Variants in RNF141 observed in about 807,000 individuals in gnomAD.
The protein encoded by RNF141 is C3HC4-like zinc finger protein.
In RNF141, 18 loss-of-function variants were observed where a neutral mutation model predicts 27.4. The ratio of observed to expected loss-of-function variants is 0.66; its 90% CI spans 0.45 to 0.97. The LOEUF (loss-of-function observed/expected upper bound fraction) is 0.97. RNF141 is among the 50% of genes least tolerant of loss of function. RNF141 has a pLI of 0.00. For synonymous variants in RNF141, 97 were observed against 96.6 expected (o/e 1.00, Z -0.02); for missense variants, 230 against 279.4 (o/e 0.82, Z 1.26).
chr11:10,536,072 T>C (rs1327352301), intron 1 of RNF141, among the ~76,000 whole-genome samples: 1 of 152,080 alleles, frequency 6.6e-6, no homozygotes, highest in Non-Finnish European at 1.5e-5. Context: ...CACAAATAAA[T>C]GTATAATTAC....
At chr11:10,533,541 G>GTATA (rs72252394) in intron 2 of RNF141, among the ~76,000 whole-genome samples, 2,177 of 150,776 alleles carry the variant, frequency 0.014, 43 homozygotes, top group African/African-American at 0.045. Flanking sequence ...GTAAAAAAAA[G>GTATA]TATATATATA....
intron 1 of RNF141, among the ~76,000 whole-genome samples, chr11:10,535,711 C>T (rs1308688677): frequency 6.6e-6 from 1 of 152,044 alleles, no homozygotes; most frequent in African/African-American, 2.4e-5. Context: ...CAAAACTTAA[C>T]AAAAATCTCA....
chr11:10,528,351 T>C (rs58312518), intron 3 of RNF141, among the ~76,000 whole-genome samples: 2 of 152,314 alleles, frequency 1.3e-5, no homozygotes, highest in African/African-American at 2.4e-5. Context: ...AAAATTTCTT[T>C]AGAGTAGCTC....
intron 4 of RNF141, among the ~76,000 whole-genome samples, chr11:10,520,575 T>A (rs1849880415): frequency 6.6e-6 from 1 of 152,202 alleles, no homozygotes; most frequent in South Asian, 2.1e-4. Context: ...TACAGCTAAC[T>A]TTTTTTAATA....
chr11:10,515,932 G>C (rs572087784), intron 5 of RNF141: 1 of 152,218 alleles, frequency 6.6e-6, no homozygotes, highest in East Asian at 1.9e-4. Context: ...TTTTCGAAAA[G>C]GATTTTTTTC....
At chr11:10,536,223 A>T (rs954886519) in intron 1 of RNF141, among the ~76,000 whole-genome samples, 3 of 151,254 alleles carry the variant, frequency 2.0e-5, no homozygotes, top group African/African-American at 7.3e-5. Context: ...GTTAGGGATT[A>T]AAAAAAAAGT....
intron 1 of RNF141, among the ~76,000 whole-genome samples, chr11:10,538,068 T>C (rs1289338572): frequency 6.6e-6 from 1 of 152,252 alleles, no homozygotes; most frequent in East Asian, 1.9e-4. Context: ...AAAGAAGAGT[T>C]AGTTGCTTAT....
At chr11:10,532,518 CA>C (rs1207745356) in intron 2 of RNF141, among the ~76,000 whole-genome samples, 10 of 146,002 alleles carry the variant, frequency 6.8e-5, no homozygotes, top group African/African-American at 1.7e-4. Context: ...CACACACACA[CA>C]CACACACACA....
intron 1 of RNF141, among the ~76,000 whole-genome samples, chr11:10,539,831 A>G (rs1413597620): frequency 2.0e-5 from 3 of 151,198 alleles, no homozygotes; most frequent in African/African-American, 7.3e-5. Flanking sequence ...TAGACTTGTA[A>G]GAATTCTCTC....
At chr11:10,539,593 T>C (rs1267422456) in intron 1 of RNF141, among the ~76,000 whole-genome samples, 2 of 141,020 alleles carry the variant, frequency 1.4e-5, no homozygotes, top group African/African-American at 5.2e-5. Context: ...TCAAGACAAG[T>C]TAATATAGAT....
At chr11:10,530,595 C>A (rs1849977052) in intron 3 of RNF141, 48 bp downstream of exon 3, 2 of 1,031,170 alleles carry the variant, frequency 1.9e-6, no homozygotes, top group African/African-American at 3.3e-5. Flanking sequence ...ATAGTTCTAG[C>A]CACCAAAATA....
chr11:10,526,225 T>C (rs976721960), intron 3 of RNF141, among the ~76,000 whole-genome samples: 4 of 152,040 alleles, frequency 2.6e-5, no homozygotes, highest in East Asian at 1.9e-4. Flanking sequence ...ATTAAGTGCA[T>C]ATCAGAGTAA....
chr11:10,518,890 A>G, intron 5 of RNF141, 144 bp downstream of exon 5: 1 of 557,468 alleles, frequency 1.8e-6, no homozygotes, highest in Non-Finnish European at 3.1e-6. Flanking sequence ...TTTAACCAGT[A>G]GAAGGCATGC....
At chr11:10,538,078 T>C (rs921929525) in intron 1 of RNF141, among the ~76,000 whole-genome samples, 5 of 152,248 alleles carry the variant, frequency 3.3e-5, no homozygotes, top group African/African-American at 9.6e-5. Flanking sequence ...TAGTTGCTTA[T>C]TTATTGAGTT....
chr11:10,531,312 T>C (rs1482428298), intron 2 of RNF141, among the ~76,000 whole-genome samples: 2 of 150,528 alleles, frequency 1.3e-5, no homozygotes, highest in East Asian at 2.0e-4. Flanking sequence ...GAGGTGAAGG[T>C]TGTAGTGAGC....
intron 5 of RNF141, chr11:10,517,731 C>T (rs1050925318): frequency 6.6e-6 from 1 of 151,976 alleles, no homozygotes; most frequent in East Asian, 1.9e-4. Context: ...AGAAAAAATA[C>T]TCTCAAGTCT....
At chr11:10,523,793 A>G (rs1160773032) in intron 4 of RNF141, among the ~76,000 whole-genome samples, 1 of 152,236 alleles carries the variant, frequency 6.6e-6, no homozygotes, top group Non-Finnish European at 1.5e-5. Context: ...GCTTAAATAC[A>G]TTGGCAAACA....
At chr11:10,538,829 C>T (rs2133978122) in intron 1 of RNF141, among the ~76,000 whole-genome samples, 1 of 152,256 alleles carries the variant, frequency 6.6e-6, no homozygotes, top group African/African-American at 2.4e-5. Context: ...CTTATGTAAA[C>T]TGGGAAACAT....
intron 4 of RNF141, among the ~76,000 whole-genome samples, chr11:10,524,525 A>C (rs1349696833): frequency 6.6e-6 from 1 of 152,258 alleles, no homozygotes; most frequent in African/African-American, 2.4e-5. Flanking sequence ...GTTTGGACCC[A>C]TGTAAATCTT....
Sources: gnomAD v4.1 joint callset for allele counts (sites outside exome capture counted in the v4.1 genomes callset) on GRCh38, gnomAD v4.1.1 for gene constraint, MANE v1.5 for transcripts, NCBI Gene and HGNC (gene_info 2026-07-23, HGNC 2026-07-21) for gene names.